The following BLTP3A variants were observed in gnomAD, a reference collection of about 807,000 sequenced individuals.
BLTP3A encodes the protein bridge-like lipid transfer protein family member 3A.
chr6:34,809,133 A>C, the BLTP3A span, among the ~76,000 whole-genome samples: 67,433 of 152,038 alleles, frequency 0.44, 16,930 homozygotes, highest in African/African-American at 0.69. Flanking sequence ...TGGTTCAGCC[A>C]TGTATTTCCA....
chr6:34,837,520 A>T, the BLTP3A span, among the ~76,000 whole-genome samples: 105 of 99,428 alleles, frequency 1.1e-3, 2 homozygotes, highest in East Asian at 0.016. Context: ...TCCATCTCTT[A>T]AAAAAAAATT....
chr6:34,861,283 G>A, the BLTP3A span, among the ~76,000 whole-genome samples: 4 of 151,930 alleles, frequency 2.6e-5, no homozygotes, highest in Non-Finnish European at 5.9e-5. Context: ...GCGCCACCAC[G>A]CCCAGCTAAT....
At chr6:34,869,640 CTTTTTTTT>C in the BLTP3A span, among the ~76,000 whole-genome samples, 36 of 81,514 alleles carry the variant, frequency 4.4e-4, no homozygotes, top group African/African-American at 2.1e-3. Flanking sequence ...ACATACACCA[CTTTTTTTT>C]TTTTTTTTTT....
the BLTP3A span, among the ~76,000 whole-genome samples, chr6:34,824,661 T>G: frequency 6.6e-6 from 1 of 151,912 alleles, no homozygotes; most frequent in East Asian, 1.9e-4. Flanking sequence ...ATATATGTAT[T>G]TTTTTCTTTT....
the BLTP3A span, among the ~76,000 whole-genome samples, chr6:34,840,577 TAAATA>T: frequency 2.0e-5 from 3 of 150,444 alleles, no homozygotes; most frequent in African/African-American, 7.3e-5. Context: ...AAAAAATAAA[TAAATA>T]AAATAAAAAT....
the BLTP3A span, among the ~76,000 whole-genome samples, chr6:34,847,761 A>G: frequency 4.7e-4 from 63 of 132,976 alleles, no homozygotes; most frequent in Non-Finnish European, 9.2e-4. Flanking sequence ...GATCTTTTCT[A>G]TTGTTTTTTT....
the BLTP3A span, among the ~76,000 whole-genome samples, chr6:34,809,829 T>A: frequency 6.6e-6 from 1 of 152,176 alleles, no homozygotes; most frequent in East Asian, 1.9e-4. Context: ...TTGCTGGGAT[T>A]GTAGACATGA....
chr6:34,860,168 C>T, the BLTP3A span, among the ~76,000 whole-genome samples: 1 of 152,024 alleles, frequency 6.6e-6, no homozygotes, highest in African/African-American at 2.4e-5. Flanking sequence ...GGTACCTTAT[C>T]AGTGTCTGTC....
At chr6:34,867,289 A>C in the BLTP3A span, 3 of 1,614,148 alleles carry the variant, frequency 1.9e-6, no homozygotes, top group East Asian at 2.2e-5. Flanking sequence ...CTGGTGTTCA[A>C]GGGAGCCCTC....
At chr6:34,817,981 T>C in the BLTP3A span, among the ~76,000 whole-genome samples, 4 of 151,930 alleles carry the variant, frequency 2.6e-5, no homozygotes, top group African/African-American at 9.7e-5. Context: ...AGCTTCCCGA[T>C]TAGCTGGGAC....
the BLTP3A span, among the ~76,000 whole-genome samples, chr6:34,851,921 A>G: frequency 6.6e-6 from 1 of 152,168 alleles, no homozygotes; most frequent in Non-Finnish European, 1.5e-5. Flanking sequence ...GCCCACAGCA[A>G]GTACTGCCTG....
the BLTP3A span, chr6:34,821,439 T>TAAAAAAG: frequency 1.2e-5 from 5 of 406,982 alleles, no homozygotes; most frequent in South Asian, 1.1e-4. Flanking sequence ...TGAGTGCATT[T>TAAAAAAG]GTTCTGGCTG....
chr6:34,792,210 C>T, the BLTP3A span: 3 of 1,529,920 alleles, frequency 2.0e-6, no homozygotes, highest in Admixed American at 2.0e-5. Context: ...GAGGCCACAG[C>T]TGCCGGCCCA....
the BLTP3A span, among the ~76,000 whole-genome samples, chr6:34,800,298 G>A: frequency 2.6e-5 from 4 of 152,146 alleles, no homozygotes; most frequent in Non-Finnish European, 5.9e-5. Flanking sequence ...CATTAATCAC[G>A]GAAAAGAAAG....
At chr6:34,834,912 A>G in the BLTP3A span, 2 of 1,589,088 alleles carry the variant, frequency 1.3e-6, no homozygotes, top group Non-Finnish European at 1.7e-6. Context: ...ATTCTATGAG[A>G]CAGCCTGGAT....
the BLTP3A span, among the ~76,000 whole-genome samples, chr6:34,828,677 A>G: frequency 0.019 from 2,819 of 152,038 alleles, 54 homozygotes; most frequent in Non-Finnish European, 0.026. Context: ...TTCATAAGTC[A>G]CTTCATATTT....
the BLTP3A span, among the ~76,000 whole-genome samples, chr6:34,847,329 G>T: frequency 6.6e-6 from 1 of 151,938 alleles, no homozygotes; most frequent in Admixed American, 6.6e-5. Flanking sequence ...TTCATAGAAT[G>T]ATTCTGGAAG....
At chr6:34,867,393 CT>C in the BLTP3A span, 1 of 1,613,842 alleles carries the variant, frequency 6.2e-7, no homozygotes, top group Non-Finnish European at 8.5e-7. Context: ...AGCAGCTCTA[CT>C]TTCTTCTCTG....
the BLTP3A span, among the ~76,000 whole-genome samples, chr6:34,807,651 A>G: frequency 6.6e-6 from 1 of 152,234 alleles, no homozygotes; most frequent in Non-Finnish European, 1.5e-5. Context: ...CTAGACAGCT[A>G]CCGTGGGTCT....
Sources: gnomAD v4.1 joint callset for allele counts (sites outside exome capture counted in the v4.1 genomes callset) on GRCh38, gnomAD v4.1.1 for gene constraint, MANE v1.5 for transcripts, NCBI Gene and HGNC (gene_info 2026-07-23, HGNC 2026-07-21) for gene names.